The following CERS4 variants were observed in gnomAD, a reference collection of about 807,000 sequenced individuals.
CERS4 encodes the protein ceramide synthase 4.
A neutral mutation model predicts 51.8 loss-of-function variants in CERS4; 65 were observed. That is an observed-to-expected ratio of 1.26 (90% CI 1.03 to 1.54). The LOEUF (loss-of-function observed/expected upper bound fraction) is 1.54. Ranked by LOEUF, CERS4 falls within the 40% of genes most tolerant of loss-of-function variation. CERS4 has a pLI of 0.00. For missense variants in CERS4, 563 were observed against 500.4 expected (o/e 1.13, Z -1.19); for synonymous variants, 228 against 208.4 (o/e 1.09, Z -0.81).
At chr19:8,220,421 C>G (rs930834344) in intron 2 of CERS4, among the ~76,000 whole-genome samples, 1 of 152,160 alleles carries the variant, frequency 6.6e-6, no homozygotes, top group Non-Finnish European at 1.5e-5. Context: ...TCTCTTGCCT[C>G]AGCCTCCTGA....
Position 8,254,678 on chromosome 19 carries a change from T to G in CERS4, c.291+62T>G, listed in dbSNP as rs1027637103. 3.5e-6 allele frequency: 5 copies of G among 1,447,320 alleles called. No homozygotes were observed. In the African/African-American group the frequency reaches 5.6e-5, roughly 16 times the overall value. The allele number at this position is 1,447,320 out of a possible 1,614,324, so 89.7% of individuals were successfully genotyped here. The stretch of plus-strand genomic sequence containing the variant: ...CCCTGGGGGTGGGGCGTGGGGATGG[T>G]GTGTGGCCCATTTGTTGGGGCAGGA... On this transcript the variant is annotated intron_variant, in intron 4 of 11. Transcript: ENST00000251363.
At chr19:8,254,113 G>A (rs1310003681) in intron 3 of CERS4, among the ~76,000 whole-genome samples, 1 of 151,808 alleles carries the variant, frequency 6.6e-6, no homozygotes, top group Admixed American at 6.6e-5. Flanking sequence ...ACGAGGTCAG[G>A]AGATCGAGAC....
At chr19:8,256,738 C>T in intron 8 of CERS4, 28 bp downstream of exon 8, 1 of 1,605,008 alleles carries the variant, frequency 6.2e-7, no homozygotes. Context: ...TCTGGAAGAC[C>T]CAGTCTCTGG....
chr19:8,234,223 G>A (rs979897550), intron 2 of CERS4, among the ~76,000 whole-genome samples: 31 of 151,988 alleles, frequency 2.0e-4, no homozygotes, highest in African/African-American at 2.7e-4. Context: ...GGAGAATGGC[G>A]TGAACCCAGG....
intron 7 of CERS4, 35 bp from the exon 8 acceptor site, chr19:8,256,583 C>G: frequency 6.3e-7 from 1 of 1,582,936 alleles, no homozygotes; most frequent in South Asian, 1.2e-5. Flanking sequence ...GGAGCCTTCG[C>G]TCCCCACAGC....
chr19:8,225,993 C>T (rs1321918297), intron 2 of CERS4, among the ~76,000 whole-genome samples: 3 of 151,822 alleles, frequency 2.0e-5, no homozygotes, highest in Non-Finnish European at 4.4e-5. Context: ...TACAGGAGTT[C>T]AAGACCAGCT....
chr19:8,227,156 T>A (rs970755840), intron 2 of CERS4, among the ~76,000 whole-genome samples: 1 of 152,004 alleles, frequency 6.6e-6, no homozygotes, highest in African/African-American at 2.4e-5. Flanking sequence ...TCTTAAGTAG[T>A]GAGGTGGGGG....
chr19:8,235,214 G>A (rs62126438), intron 2 of CERS4, among the ~76,000 whole-genome samples: 1,960 of 151,060 alleles, frequency 0.013, 15 homozygotes, highest in East Asian at 0.051. Context: ...TCACCATGTT[G>A]GCCAAGATGG....
chr19:8,259,608 C>A (rs1054603200), intron 10 of CERS4, among the ~76,000 whole-genome samples: 25 of 152,138 alleles, frequency 1.6e-4, no homozygotes, highest in East Asian at 3.9e-4. Context: ...GAGAAGTGGG[C>A]AGACTTAAGG....
At chr19:8,250,269 C>T (rs985775481) in intron 2 of CERS4, among the ~76,000 whole-genome samples, 1 of 152,156 alleles carries the variant, frequency 6.6e-6, no homozygotes, top group Non-Finnish European at 1.5e-5. Context: ...GCCATGGTGC[C>T]CGGCCACGAC....
chr19:8,224,503 G>A (rs1372172875), intron 2 of CERS4, among the ~76,000 whole-genome samples: 2 of 152,222 alleles, frequency 1.3e-5, no homozygotes, highest in African/African-American at 2.4e-5. Flanking sequence ...GCCCAGCGGC[G>A]ATTGGTCGGC....
intron 4 of CERS4, among the ~76,000 whole-genome samples, chr19:8,255,048 A>C (rs1025638573): frequency 6.6e-6 from 1 of 152,074 alleles, no homozygotes; most frequent in Non-Finnish European, 1.5e-5. Flanking sequence ...GGAGTAACAG[A>C]AGCAGCCCTG....
rs140417707 is a variant in CERS4, at chr19:8,251,844, G to C, written c.173+595G>C. On this transcript the variant is annotated intron_variant, in intron 3 of 11. Transcript: ENST00000251363. Reference sequence around the variant, plus strand: ...GCTGGGGTGTTATCCCATCCCAAAGGCATCCCAGGGCCTCTGTGAAGGACA... The same window carrying C: ...GCTGGGGTGTTATCCCATCCCAAAGCCATCCCAGGGCCTCTGTGAAGGACA... 8.9e-3 allele frequency among the ~76,000 whole-genome samples: 1,347 copies of C among 151,954 alleles called. 17 individuals are homozygous for C. Among genetic ancestry groups the C allele is most frequent in the African/African-American group, 0.03 (1,239 of 41,432 alleles).
At chr19:8,214,629 G>C (rs1243296404) in intron 2 of CERS4, 1 of 152,396 alleles carries the variant, frequency 6.6e-6, no homozygotes, top group African/African-American at 2.4e-5. Context: ...CCTTGCTCAA[G>C]GGGACTTGAG....
At chr19:8,232,893 T>C (rs1359848748) in intron 2 of CERS4, among the ~76,000 whole-genome samples, 1 of 133,520 alleles carries the variant, frequency 7.5e-6, no homozygotes, top group Admixed American at 7.3e-5. Flanking sequence ...TCGCTGATTT[T>C]TTTTTTTTTT....
intron 10 of CERS4, among the ~76,000 whole-genome samples, chr19:8,259,858 C>G (rs936819796): frequency 3.3e-5 from 5 of 152,160 alleles, no homozygotes; most frequent in Admixed American, 1.3e-4. Flanking sequence ...GACAGAGAGT[C>G]TCAGTCCTCG....
rs1179131637 is a variant in CERS4 at position 8,254,586 on chromosome 19, C to G, written c.261C>G (p.His87Gln). Residue 87 changes from histidine (H) to glutamine (Q), a missense_variant, in exon 4 of 12, where the codon CAC becomes CAG. Coordinates refer to ENST00000251363, the MANE Select transcript of CERS4 (RefSeq NM_024552.3). ...QVKPNATLEKHFLTEGHRPKE... is the reference protein window; with the variant it reads ...QVKPNATLEKQFLTEGHRPKE... ...AGCCCAACGCCACGCTGGAGAAACA[C>G]TTCCTCACGGAAGGGCACAGGCCCA... 4.3e-6 allele frequency: 7 copies of G among 1,612,102 alleles called. No homozygotes were observed. Among genetic ancestry groups the G allele is most frequent in the Non-Finnish European group, 4.2e-6 (5 of 1,179,408 alleles).
Position 8,210,166 on chromosome 19 carries a change from G to T in CERS4, c.-158-540G>T, listed in dbSNP as rs1265966128. ...GTGGAACCCGTTCTCGGGGCGGTGG[G>T]GACCAGGGAGGCTTGGAACAGCAGG... On this transcript the variant is annotated intron_variant, in intron 1 of 11. Coordinates refer to ENST00000251363, the MANE Select transcript of CERS4 (RefSeq NM_024552.3). This position sits in a 1 kb window ranked among gnomAD's most constrained non-coding sequence, Gnocchi z 4.2. Among the ~76,000 whole-genome samples the T allele has an allele frequency of 6.6e-6, 1 of 152,152 alleles. No individual in the cohort carries two copies. Among genetic ancestry groups the T allele is most frequent in the Non-Finnish European group, 1.5e-5 (1 of 68,032 alleles).
intron 3 of CERS4, among the ~76,000 whole-genome samples, chr19:8,252,398 C>G (rs1969133213): frequency 6.6e-6 from 1 of 150,914 alleles, no homozygotes; most frequent in South Asian, 2.1e-4. Context: ...AGCCTCATCC[C>G]CACCAGTAGC....
Sources: allele counts gnomAD v4.1 joint callset (sites outside exome capture counted in the v4.1 genomes callset), GRCh38; gene constraint gnomAD v4.1.1; non-coding constraint Gnocchi (gnomAD v3.1); transcripts MANE v1.5; gene names NCBI Gene and HGNC (gene_info 2026-07-23, HGNC 2026-07-21).